The following KALRN variants were observed in gnomAD, a reference collection of about 807,000 sequenced individuals.
KALRN encodes the protein kalirin RhoGEF kinase.
In KALRN, 70 loss-of-function variants were observed where a neutral mutation model predicts 353.7. The ratio of observed to expected loss-of-function variants is 0.20; its 90% CI spans 0.16 to 0.24. The LOEUF (loss-of-function observed/expected upper bound fraction) is 0.24, where lower values mean the gene tolerates loss of function less well. Ranked by LOEUF, KALRN falls within the 10% of genes least tolerant of loss-of-function variation. The pLI is 1.00. For synonymous variants in KALRN, 1,391 were observed against 1,434.8 expected, an observed-to-expected ratio of 0.97 and a Z score of 0.69; for missense variants, 2,791 against 3,756.7, an observed-to-expected ratio of 0.74 and a Z score of 6.72.
At chr3:124,035,163 TTTTC>T (rs1411562610) in intron 1 of KALRN, among the ~76,000 whole-genome samples, 2 of 152,122 alleles carry the variant, frequency 1.3e-5, no homozygotes, top group Admixed American at 6.5e-5. Context: ...CCTTCTTTCC[TTTTC>T]TTTCTTCCTC....
intron 34 of KALRN, among the ~76,000 whole-genome samples, chr3:124,575,348 A>C (rs985253926): frequency 3.3e-5 from 5 of 152,242 alleles, no homozygotes; most frequent in African/African-American, 1.2e-4. Context: ...GAGGTGGCCC[A>C]GGCTGAAGAC....
At position 124,550,879 on chromosome 3, in the gene KALRN, C is replaced by T. The variant is rs762108343; in HGVS notation, c.4936-11964C>T. Among the ~76,000 whole-genome samples the T allele has an allele frequency of 1.3e-5, 2 of 152,108 alleles. 1 individual carries two copies. The highest frequency in any genetic ancestry group is 2.9e-5 in the Non-Finnish European group (2 of 68,042). On this transcript the variant is annotated intron_variant, in intron 33 of 59. Transcript: ENST00000682506. ...TGGTGGGCGCCTGTAGTCCCAGCTA[C>T]TCGGGAGGCTGCGGCAGGAGAATGG... is the stretch of plus-strand genomic sequence containing the variant.
chr3:124,560,630 A>G (rs967728938), intron 33 of KALRN, among the ~76,000 whole-genome samples: 13 of 152,190 alleles, frequency 8.5e-5, no homozygotes, highest in African/African-American at 2.9e-4. Context: ...GGGAGACTGA[A>G]GCGGGAGGAT....
intron 13 of KALRN, among the ~76,000 whole-genome samples, chr3:124,404,086 A>G (rs1238107117): frequency 1.4e-5 from 2 of 147,946 alleles, no homozygotes; most frequent in East Asian, 2.0e-4. Context: ...GAGGGAGCTC[A>G]TCATCTCACT....
intron 2 of KALRN, among the ~76,000 whole-genome samples, chr3:124,231,864 T>G (rs1263329182): frequency 6.6e-6 from 1 of 152,216 alleles, no homozygotes; most frequent in Non-Finnish European, 1.5e-5. Flanking sequence ...CTGCTTATTG[T>G]CCTCTGTAAT....
chr3:124,647,823 G>A (rs1172794225), intron 37 of KALRN, among the ~76,000 whole-genome samples: 1 of 152,198 alleles, frequency 6.6e-6, no homozygotes, highest in Non-Finnish European at 1.5e-5. Flanking sequence ...GAGGGGGCAG[G>A]TTATGAGTAT....
chr3:124,043,058 G>T (rs1385997147), intron 1 of KALRN, among the ~76,000 whole-genome samples: 1 of 152,158 alleles, frequency 6.6e-6, no homozygotes, highest in Non-Finnish European at 1.5e-5. Flanking sequence ...AAACACAGGT[G>T]ATCAACAGGG....
At chr3:124,310,817 TGAAAA>T (rs1397388661) in intron 6 of KALRN, among the ~76,000 whole-genome samples, 2 of 151,968 alleles carry the variant, frequency 1.3e-5, no homozygotes, top group Non-Finnish European at 2.9e-5. Context: ...AGTCAAGAGA[TGAAAA>T]GAAAAACCAC....
chr3:124,409,458 C>A (rs958015493), intron 13 of KALRN, among the ~76,000 whole-genome samples: 2 of 152,168 alleles, frequency 1.3e-5, no homozygotes, highest in Non-Finnish European at 2.9e-5. Context: ...TAGGTGTTGT[C>A]GTGAAGCTCT....
intron 1 of KALRN, among the ~76,000 whole-genome samples, chr3:124,087,880 G>A (rs2060905819): frequency 6.6e-6 from 1 of 152,142 alleles, no homozygotes; most frequent in Non-Finnish European, 1.5e-5. Flanking sequence ...CTTTTAAAGA[G>A]TTAGGTGATA....
In KALRN at chr3:124,325,987, A is replaced by G. The variant is rs945697999; in HGVS notation, c.1100A>G (p.Tyr367Cys). Residue 367 changes from tyrosine (Y) to cysteine (C), a missense_variant, in exon 7 of 60, where the codon TAT (tyrosine) becomes TGT (cysteine). By Grantham distance (194) the Tyr-to-Cys change is radical. Coordinates refer to ENST00000682506, the MANE Select transcript of KALRN (RefSeq NM_001388419.1). ...CTCTCCTTTTCTTTCCAGAATGCCT[A>G]TGTCAACATCAACCGCATCATGTCC... The part of the protein sequence containing the change: ...NHFAMNSMNA[Y>C]VNINRIMSVA... The G allele has an allele frequency of 1.2e-6, 2 of 1,612,912 alleles. No individual in the cohort carries two copies. Among genetic ancestry groups the G allele is most frequent in the Admixed American group, 3.3e-5 (2 of 59,930 alleles).
intron 14 of KALRN, among the ~76,000 whole-genome samples, chr3:124,417,274 A>C (rs2092556193): frequency 6.6e-6 from 1 of 152,178 alleles, no homozygotes; most frequent in African/African-American, 2.4e-5. Flanking sequence ...TTTAGACTTT[A>C]GTTTCTTCTT....
chr3:124,047,491 CTTTTT>C (rs33947722), intron 1 of KALRN, among the ~76,000 whole-genome samples: 1 of 108,514 alleles, frequency 9.2e-6, no homozygotes, highest in Non-Finnish European at 2.0e-5. Context: ...TCATAGAACA[CTTTTT>C]TTTTTTTTTT....
rs1452719975 is a variant in KALRN, at chr3:124,601,851, G to A, written c.5183-30569G>A. Among the ~76,000 whole-genome samples the A allele has an allele frequency of 4.4e-5, 6 of 136,106 alleles. No homozygotes were observed. The East Asian group carries it at 1.2e-3, about 27-fold the overall frequency. 89.3% of individuals were successfully genotyped at this position (136,106 alleles called of 152,430 possible). ...TTGAGACCAGCCTAGGCAACATGGC[G>A]AAACCCCATCTCTAGGAAAAAAAAA... On this transcript the variant is annotated intron_variant, in intron 34 of 59. Coordinates refer to ENST00000682506, the MANE Select transcript of KALRN (RefSeq NM_001388419.1).
At position 124,661,858 on chromosome 3, in the gene KALRN, T is replaced by C; in HGVS notation, c.6275T>C (p.Val2092Ala). Residue 2092 changes from valine (V) to alanine (A), a missense_variant, in exon 45 of 60, where the codon GTG (valine) becomes GCG (alanine). Physicochemically the swap from Val to Ala is moderately conservative, Grantham distance 64 (BLOSUM62 0). Around this residue, in one of 11 missense-constraint regions of KALRN, gnomAD observed 1,065 missense variants for 1,156.4 expected, o/e 0.92. Coordinates refer to ENST00000682506, the MANE Select transcript of KALRN (RefSeq NM_001388419.1). ...AGTTGTTCTTTCCCACAGAAAGCAG[T>C]GGAGTTAATGTGCCTTGTTCCCAAA... The part of the protein sequence containing the change: ...GLECSDIEKA[V>A]ELMCLVPKRC... 1 of 1,613,838 alleles carries C rather than the reference T, an allele frequency of 6.2e-7. No individual in the cohort carries two copies. The highest frequency in any genetic ancestry group is 8.5e-7 in the Non-Finnish European group (1 of 1,179,728).
intron 37 of KALRN, among the ~76,000 whole-genome samples, chr3:124,640,531 A>G (rs2081926659): frequency 6.6e-6 from 1 of 151,370 alleles, no homozygotes. Context: ...TAATCCACCC[A>G]CCTCAGCCTC....
intron 24 of KALRN, 58 bp downstream of exon 24, chr3:124,462,014 A>T (rs1422625001): frequency 4.6e-6 from 6 of 1,293,660 alleles, no homozygotes; most frequent in Non-Finnish European, 6.7e-6. Context: ...CCTTGCCAGC[A>T]TCAAGTCCTC....
intron 34 of KALRN, among the ~76,000 whole-genome samples, chr3:124,570,248 A>G (rs1451989051): frequency 6.6e-6 from 1 of 152,174 alleles, no homozygotes; most frequent in Admixed American, 6.5e-5. Flanking sequence ...TTCCCTAAAC[A>G]TTTCCTTTCA....
Position 124,526,562 on chromosome 3 carries a change from G to A in KALRN, c.4935+30149G>A, listed in dbSNP as rs575055576. The stretch of plus-strand genomic sequence containing the variant: ...TGCACTCCAGCCTGGGCAATGGAGC[G>A]AGACTGTGTCTCAAAAAATAATAAT... On this transcript the variant is annotated intron_variant, in intron 33 of 59. Coordinates refer to ENST00000682506, the MANE Select transcript of KALRN (RefSeq NM_001388419.1). Among the ~76,000 whole-genome samples, 8 of 152,186 alleles carry A rather than the reference G, an allele frequency of 5.3e-5. No homozygotes were observed. The East Asian group carries it at 5.8e-4, about 11-fold the overall frequency.
Sources: allele counts gnomAD v4.1 joint callset (sites outside exome capture counted in the v4.1 genomes callset), GRCh38; gene constraint gnomAD v4.1.1; regional missense constraint gnomAD v4.1.1; transcripts MANE v1.5; gene names NCBI Gene and HGNC (gene_info 2026-07-23, HGNC 2026-07-21).